MCC: variants seen among roughly 807,000 people sequenced by gnomAD.
The protein encoded by MCC is MCC regulator of Wnt signaling pathway, also known as colorectal mutant cancer protein.
A neutral mutation model predicts 116.2 loss-of-function variants in MCC; 90 were observed. That is an observed-to-expected ratio of 0.77 (90% CI 0.65 to 0.92). The LOEUF (loss-of-function observed/expected upper bound fraction) is 0.92. Among genes scored for constraint, MCC ranks in the 40% least tolerant of loss-of-function variants. The probability of loss-of-function intolerance (pLI) is 0.00; values close to 1 mark genes in which losing one functional copy is unlikely to be tolerated. For missense variants in MCC, 1,516 were observed against 1,312.2 expected, an observed-to-expected ratio of 1.16 and a Z score of -2.40; for synonymous variants, 578 against 510.5, an observed-to-expected ratio of 1.13 and a Z score of -1.78.
chr5:113,126,266 G>A (rs1350979742), intron 5 of MCC, among the ~76,000 whole-genome samples: 1 of 152,222 alleles, frequency 6.6e-6, no homozygotes, highest in Non-Finnish European at 1.5e-5. Flanking sequence ...ATGACCAGCA[G>A]TGGCAGAAAA....
chr5:113,120,773 A>G (rs1239084188), intron 6 of MCC, among the ~76,000 whole-genome samples: 1 of 152,250 alleles, frequency 6.6e-6, no homozygotes, highest in African/African-American at 2.4e-5. Flanking sequence ...GACAGAGTCA[A>G]CAGTTATCAT....
intron 11 of MCC, among the ~76,000 whole-genome samples, chr5:113,076,489 G>C (rs1754465440): frequency 6.6e-6 from 1 of 152,324 alleles, no homozygotes; most frequent in South Asian, 2.1e-4. Flanking sequence ...AGCCAGAAGA[G>C]AGTGGGGGCC....
At chr5:113,319,328 G>C (rs1205988746) in intron 3 of MCC, among the ~76,000 whole-genome samples, 2 of 152,208 alleles carry the variant, frequency 1.3e-5, no homozygotes, top group African/African-American at 2.4e-5. Flanking sequence ...GAAGCAGAGA[G>C]GTATTAGTGA....
chr5:113,170,301 T>C (rs896012180), intron 3 of MCC, among the ~76,000 whole-genome samples: 2 of 152,244 alleles, frequency 1.3e-5, no homozygotes, highest in African/African-American at 4.8e-5. Context: ...TTTTCTTCAA[T>C]GGACTTTACT....
chr5:113,211,410 T>C (rs916950101), intron 3 of MCC, among the ~76,000 whole-genome samples: 10 of 152,220 alleles, frequency 6.6e-5, no homozygotes, highest in African/African-American at 2.4e-4. Context: ...ACATGTAGCA[T>C]TGGACACTTC....
At chr5:113,265,821 C>T (rs767791669) in intron 3 of MCC, among the ~76,000 whole-genome samples, 77 of 152,108 alleles carry the variant, frequency 5.1e-4, no homozygotes, top group Non-Finnish European at 8.1e-4. Context: ...AATCATACCC[C>T]GTTTCCAAAT....
At chr5:113,029,538 T>C (rs1750814609) in intron 17 of MCC, among the ~76,000 whole-genome samples, 2 of 151,950 alleles carry the variant, frequency 1.3e-5, no homozygotes, top group African/African-American at 4.8e-5. Context: ...ACCAAAAAAT[T>C]GGTAGAGGGA....
rs528793304 is a variant in MCC, at chr5:113,098,283, C to T, written c.1398+3456G>A. The stretch of plus-strand genomic sequence containing the variant: ...ATCACACGACTCTCTGGGGAGCTCT[C>T]AGGGCACTCTCTGTGTTTACCTGTC... On this transcript the variant is annotated intron_variant, in intron 8 of 18. Coordinates refer to ENST00000408903, the MANE Select transcript of MCC (RefSeq NM_001085377.2). Among the ~76,000 whole-genome samples, 7 of 152,312 alleles carry T rather than the reference C, an allele frequency of 4.6e-5. No individual in the cohort carries two copies. The South Asian group carries it at 1.5e-3, about 32-fold the overall frequency.
chr5:113,289,643 C>T (rs138366935), intron 3 of MCC, among the ~76,000 whole-genome samples: 18 of 152,198 alleles, frequency 1.2e-4, no homozygotes, highest in Admixed American at 3.9e-4. Context: ...ATAGGGATGC[C>T]CATGTTGAAG....
chr5:113,075,448 C>T (rs1754370839), intron 11 of MCC, among the ~76,000 whole-genome samples: 1 of 152,248 alleles, frequency 6.6e-6, no homozygotes, highest in African/African-American at 2.4e-5. Flanking sequence ...TGGCGGGCAG[C>T]TCCGCCAGCG....
intron 1 of MCC, among the ~76,000 whole-genome samples, chr5:113,474,822 C>A (rs1772194686): frequency 2.0e-5 from 3 of 152,196 alleles, no homozygotes; most frequent in African/African-American, 7.2e-5. Context: ...AAACACCTCC[C>A]CAACAATTTT....
intron 3 of MCC, among the ~76,000 whole-genome samples, chr5:113,166,987 CG>C (rs1760805596): frequency 6.6e-6 from 1 of 152,122 alleles, no homozygotes; most frequent in Non-Finnish European, 1.5e-5. Flanking sequence ...CAAGGTACAG[CG>C]ATGGCTGTGG....
intron 1 of MCC, among the ~76,000 whole-genome samples, chr5:113,423,774 T>C (rs79458866): frequency 2.6e-5 from 4 of 152,086 alleles, no homozygotes; most frequent in Non-Finnish European, 5.9e-5. Context: ...ACAGTCAAGT[T>C]TTCTCAACCC....
chr5:113,037,170 C>G (rs945689072), intron 17 of MCC, among the ~76,000 whole-genome samples: 3 of 152,228 alleles, frequency 2.0e-5, no homozygotes, highest in Non-Finnish European at 4.4e-5. Context: ...TTATCCCACT[C>G]TTTGTGTGGC....
Position 113,233,166 on chromosome 5 carries a change from G to A in MCC, c.628-81744C>T, listed in dbSNP as rs186248325. ...TTTATCTGAGGCTATCAGAGGAGAG[G>A]AAACAAGCTTCTTTGAAACAAACTG... On this transcript the variant is annotated intron_variant, in intron 3 of 18. Transcript: ENST00000408903. Among the ~76,000 whole-genome samples the A allele has an allele frequency of 5.9e-5, 9 of 152,224 alleles. No homozygotes were observed. In the East Asian group the frequency reaches 1.7e-3, roughly 29 times the overall value.
rs78096957 is a variant in MCC at position 113,350,191 on chromosome 5, A to T, written c.416-9461T>A. Among the ~76,000 whole-genome samples, 753 of 152,236 alleles carry T rather than the reference A, an allele frequency of 4.9e-3. 11 individuals carry two copies. The highest frequency in any genetic ancestry group is 0.017 in the African/African-American group (726 of 41,572). On this transcript the variant is annotated intron_variant, in intron 2 of 18. Coordinates refer to ENST00000408903, the MANE Select transcript of MCC (RefSeq NM_001085377.2). ...ATTCCTCACAGAAATAGAAAAAACAATCCTAAAACATACGTGAAACCACAA... is the reference window on the plus strand; with the variant it reads ...ATTCCTCACAGAAATAGAAAAAACATTCCTAAAACATACGTGAAACCACAA...
chr5:113,090,339 C>T (rs1049516292), intron 8 of MCC, among the ~76,000 whole-genome samples: 2 of 142,140 alleles, frequency 1.4e-5, no homozygotes, highest in Non-Finnish European at 3.0e-5. Context: ...AGAAAGGAGG[C>T]TGACCTAGGA....
At chr5:113,334,775 G>C (rs1306075625) in intron 3 of MCC, among the ~76,000 whole-genome samples, 1 of 150,674 alleles carries the variant, frequency 6.6e-6, no homozygotes, top group Non-Finnish European at 1.5e-5. Context: ...ATTTTTAGTA[G>C]AGATGTGGTT....
At chr5:113,291,181 T>A (rs1166457613) in intron 3 of MCC, among the ~76,000 whole-genome samples, 1 of 152,188 alleles carries the variant, frequency 6.6e-6, no homozygotes, top group Non-Finnish European at 1.5e-5. Flanking sequence ...CATTTTGAAG[T>A]ACACATGCAA....
Sources: gnomAD v4.1 joint callset for allele counts (sites outside exome capture counted in the v4.1 genomes callset) on GRCh38, gnomAD v4.1.1 for gene constraint, MANE v1.5 for transcripts, NCBI Gene and HGNC (gene_info 2026-07-23, HGNC 2026-07-21) for gene names.